Variants in TP63 observed in about 807,000 individuals in gnomAD.
TP63 encodes the protein tumor protein p63.
TP63 carries 17 observed loss-of-function variants against 82.8 expected under a neutral mutation model. The observed-to-expected ratio is 0.21, with a 90% CI of 0.14 to 0.31. The LOEUF is 0.31. TP63 is among the 10% of genes least tolerant of loss of function. The probability of loss-of-function intolerance (pLI) is 1.00; values close to 1 mark genes in which losing one functional copy is unlikely to be tolerated. For synonymous variants in TP63, 330 were observed against 321.7 expected (o/e 1.03, Z -0.28); for missense variants, 648 against 895.3 (o/e 0.72, Z 3.52).
chr3:189,785,390 C>T (rs1314918339), intron 3 of TP63, among the ~76,000 whole-genome samples: 1 of 151,980 alleles, frequency 6.6e-6, no homozygotes, highest in African/African-American at 2.4e-5. Context: ...TGTATTCTGA[C>T]TTCAAAAACT....
intron 4 of TP63, among the ~76,000 whole-genome samples, chr3:189,811,194 A>G (rs1445892931): frequency 6.6e-6 from 1 of 152,200 alleles, no homozygotes; most frequent in East Asian, 1.9e-4. Flanking sequence ...TGTGCCTCAG[A>G]TGAGAAAGAG....
chr3:189,631,223 C>T (rs1274350661), upstream of TP63: 2 of 985,342 alleles, frequency 2.0e-6, no homozygotes, highest in Non-Finnish European at 2.4e-6. Context: ...ACGTCAAGGA[C>T]TCTGAAGCCG....
rs1441240772 is a variant in TP63 at position 189,647,566 on chromosome 3, A to T, written c.62+15989A>T. Among the ~76,000 whole-genome samples the T allele has an allele frequency of 2.0e-5, 3 of 146,492 alleles. 1 individual carries two copies. The highest frequency in any genetic ancestry group is 4.5e-5 in the Non-Finnish European group (3 of 67,206). ...TTATATTTATCTGGAAAGCCATTGC[A>T]AGCTCTACGTGGATTGTTTTTAGGG... On this transcript the variant is annotated intron_variant, in intron 1 of 13. Transcript: ENST00000264731.
chr3:189,772,942 C>T (rs1723484396), intron 3 of TP63, among the ~76,000 whole-genome samples: 1 of 152,178 alleles, frequency 6.6e-6, no homozygotes, highest in South Asian at 2.1e-4. Flanking sequence ...CTGAAGGCAG[C>T]TGTATACTTA....
chr3:189,755,540 TTATG>T (rs1277524917), intron 3 of TP63, among the ~76,000 whole-genome samples: 2 of 152,188 alleles, frequency 1.3e-5, no homozygotes, highest in African/African-American at 4.8e-5. Flanking sequence ...AATTTCCTCA[TTATG>T]TATTATATTT....
At chr3:189,782,378 C>T (rs1053833953) in intron 3 of TP63, among the ~76,000 whole-genome samples, 1 of 152,218 alleles carries the variant, frequency 6.6e-6, no homozygotes, top group Middle Eastern at 3.4e-3. Flanking sequence ...CAGTTGACTG[C>T]GTCTATGACC....
chr3:189,846,682 C>CTTTTT (rs1204688713), intron 4 of TP63, among the ~76,000 whole-genome samples: 3 of 70,628 alleles, frequency 4.2e-5, no homozygotes, highest in Non-Finnish European at 7.3e-5. Flanking sequence ...TTTCCACATT[C>CTTTTT]TTTTTTTTTT....
intron 1 of TP63, among the ~76,000 whole-genome samples, chr3:189,666,772 T>TGTA (rs926594273): frequency 1.1e-4 from 16 of 152,078 alleles, no homozygotes; most frequent in Non-Finnish European, 2.4e-4. Flanking sequence ...TCAAGCTTAG[T>TGTA]GTATATGGGT....
chr3:189,636,731 A>G (rs1729807442), intron 1 of TP63, among the ~76,000 whole-genome samples: 1 of 152,134 alleles, frequency 6.6e-6, no homozygotes, highest in Non-Finnish European at 1.5e-5. Context: ...TAAGATAATT[A>G]TTTGCCCAAT....
At chr3:189,844,395 C>T (rs945151149) in intron 4 of TP63, 5 of 344,646 alleles carry the variant, frequency 1.5e-5, no homozygotes, top group Non-Finnish European at 2.4e-5. Context: ...AAGCGATTCT[C>T]CTTTCTCAGC....
intron 4 of TP63, 142 bp from the exon 5 acceptor site, chr3:189,864,090 G>C (rs116020441): frequency 9.6e-7 from 1 of 1,041,692 alleles, no homozygotes; most frequent in Admixed American, 1.7e-5. Flanking sequence ...ATTGACATAC[G>C]TCACATCTAT....
chr3:189,738,070 C>G (rs1720723601), intron 2 of TP63, among the ~76,000 whole-genome samples: 1 of 152,104 alleles, frequency 6.6e-6, no homozygotes, highest in East Asian at 1.9e-4. Flanking sequence ...CTTGCTAATC[C>G]AAGGTGATGT....
the TP63 span, among the ~76,000 whole-genome samples, chr3:189,603,524 G>T: frequency 6.6e-6 from 1 of 151,728 alleles, no homozygotes; most frequent in Non-Finnish European, 1.5e-5. Flanking sequence ...TATCACAGGA[G>T]TTGAGAGAAC....
chr3:189,651,755 C>T (rs1044281512), intron 1 of TP63, among the ~76,000 whole-genome samples: 10 of 146,458 alleles, frequency 6.8e-5, no homozygotes, highest in Non-Finnish European at 4.5e-5. Flanking sequence ...AAATGGTTTC[C>T]TGGGCTGAGT....
rs1712643916 is a variant in TP63, at chr3:189,648,851, T to C, written c.62+17274T>C. Among the ~76,000 whole-genome samples, 3 of 85,944 alleles carry C rather than the reference T, an allele frequency of 3.5e-5. 1 individual carries two copies. In the South Asian group the frequency reaches 1.9e-3, roughly 55 times the overall value. The allele number at this position is 85,944 out of a possible 152,430, so 56.4% of individuals were successfully genotyped here. ...ATATAGTATTTGAGCCATAGAACTA[T>C]TATTAGTTTCATTTTATAGATAAAG... is the stretch of plus-strand genomic sequence containing the variant. On this transcript the variant is annotated intron_variant, in intron 1 of 13. Transcript: ENST00000264731.
rs906715941 is a variant in TP63, at chr3:189,653,094, G to A, written c.62+21517G>A. Among the ~76,000 whole-genome samples, 2 of 119,758 alleles carry A rather than the reference G, an allele frequency of 1.7e-5. 1 individual carries two copies. Among genetic ancestry groups the A allele is most frequent in the African/African-American group, 6.8e-5 (2 of 29,286 alleles). The allele number at this position is 119,758 out of a possible 152,430, so 78.6% of individuals were successfully genotyped here. A position where few individuals can be genotyped will look rare whatever the true frequency, so the allele number is the denominator to read the frequency against. On this transcript the variant is annotated intron_variant, in intron 1 of 13. Transcript: ENST00000264731. Reference sequence around the variant, plus strand: ...TTAGGTCCAGAATGTTGCCAGATAAGTATGGCATCGCAGAAAATAGGAAAT... The same window carrying A: ...TTAGGTCCAGAATGTTGCCAGATAAATATGGCATCGCAGAAAATAGGAAAT...
chr3:189,840,480 T>G (rs1713910449), intron 4 of TP63, among the ~76,000 whole-genome samples: 1 of 142,072 alleles, frequency 7.0e-6, no homozygotes, highest in Non-Finnish European at 1.6e-5. Context: ...GTGTGTGTGT[T>G]TATGAGAGAG....
At chr3:189,869,747 C>T (rs1361828192) in intron 9 of TP63, among the ~76,000 whole-genome samples, 1 of 151,038 alleles carries the variant, frequency 6.6e-6, no homozygotes, top group Non-Finnish European at 1.5e-5. Context: ...GGCAAAATCC[C>T]ATTTATGAAG....
intron 4 of TP63, among the ~76,000 whole-genome samples, chr3:189,842,059 C>T (rs1714199587): frequency 2.6e-5 from 4 of 152,090 alleles, no homozygotes; most frequent in Non-Finnish European, 5.9e-5. Context: ...GTGTAGTAGC[C>T]CGCGGTTTTG....
Sources: allele counts gnomAD v4.1 joint callset (sites outside exome capture counted in the v4.1 genomes callset), GRCh38; gene constraint gnomAD v4.1.1; transcripts MANE v1.5; gene names NCBI Gene and HGNC (gene_info 2026-07-23, HGNC 2026-07-21).